The following TRMU variants were observed in gnomAD, a reference collection of about 807,000 sequenced individuals.
TRMU encodes the protein tRNA mitochondrial 2-thiouridylase, also known as mitochondrial tRNA-specific 2-thiouridylase 1.
Under a neutral mutation model 46.9 loss-of-function variants are expected in TRMU, and 49 were observed. The observed-to-expected ratio is 1.05, with a 90% confidence interval of 0.83 to 1.33. The LOEUF is 1.33. TRMU is among the 40% of genes most tolerant of loss of function. TRMU has a pLI of 0.00. For synonymous variants in TRMU, 241 were observed against 200.9 expected (o/e 1.20, Z -1.69); for missense variants, 572 against 532.4 (o/e 1.07, Z -0.73).
intron 8 of TRMU, chr22:46,354,617 C>G (rs998718964): frequency 1.3e-5 from 2 of 152,776 alleles, no homozygotes; most frequent in Non-Finnish European, 2.9e-5. Flanking sequence ...CGGGGGCCAG[C>G]AGGCCCCACC....
intron 2 of TRMU, among the ~76,000 whole-genome samples, chr22:46,341,203 T>G (rs1473905830): frequency 6.6e-6 from 1 of 152,244 alleles, no homozygotes. Flanking sequence ...ATCTGCTGTT[T>G]ACGAAAGGGT....
chr22:46,355,511 CGGAGGA>C lies in TRMU; in HGVS notation c.943_948del (p.Glu315_Glu316del). ...AGGACCAGCCGCGTGCACTGGATTG[CGGAGGA>C]GCCTCCCGCAGCACTGGTCCGGGAC... is the stretch of plus-strand genomic sequence containing the variant. On this transcript the variant is annotated inframe_deletion, in exon 9 of 11. Transcript: ENST00000645190. 1 of 1,613,232 alleles carries C rather than the reference CGGAGGA, an allele frequency of 6.2e-7. No individual in the cohort carries two copies. Among genetic ancestry groups the C allele is most frequent in the African/African-American group, 1.3e-5 (1 of 75,048 alleles).
In TRMU at chr22:46,355,440, G is replaced by T. The variant is rs1230927075; in HGVS notation, c.874-4G>T. The T allele has an allele frequency of 1.2e-6, 2 of 1,612,242 alleles. No individual in the cohort carries two copies. Among genetic ancestry groups the T allele is most frequent in the African/African-American group, 2.7e-5 (2 of 74,908 alleles). ...CGTCCCCACCTTCACATTCCATTCTGCAGGCCCCCCGGACAGACCACCCAG... is the reference window on the plus strand; with the variant it reads ...CGTCCCCACCTTCACATTCCATTCTTCAGGCCCCCCGGACAGACCACCCAG... On this transcript the variant is annotated splice_region_variant and splice_polypyrimidine_tract_variant and intron_variant, in intron 8 of 10. Coordinates refer to ENST00000645190, the MANE Select transcript of TRMU (RefSeq NM_018006.5).
chr22:46,354,305 T>G (rs6007890), intron 8 of TRMU: 4,045 of 222,052 alleles, frequency 0.018, 169 homozygotes, highest in African/African-American at 0.087. Context: ...ACCTTACCAC[T>G]GTGACCCTGG....
chr22:46,336,552 G>C lies in TRMU; in HGVS notation c.82+706G>C, dbSNP rs1473459811. The C allele has an allele frequency of 6.6e-6, 1 of 152,244 alleles. No homozygotes were observed. The highest frequency in any genetic ancestry group is 1.5e-5 in the Non-Finnish European group (1 of 68,126). 9.4% of individuals were successfully genotyped at this position (152,244 alleles called of 1,614,324 possible). On this transcript the variant is annotated intron_variant, in intron 1 of 10. Transcript: ENST00000645190. The surrounding 1 kb of genome is among the most constrained non-coding windows in gnomAD (Gnocchi z 4.1). ...GCGCCATCTTTGGCTCCTGACCTTG[G>C]GCAAGTGAATTAAGCCGTCCCCTGT... is the stretch of plus-strand genomic sequence containing the variant.
intron 9 of TRMU, 182 bp downstream of exon 9, chr22:46,355,770 C>G (rs1054172454): frequency 8.5e-6 from 10 of 1,175,948 alleles, no homozygotes; most frequent in Non-Finnish European, 8.5e-6. Flanking sequence ...CCTGGGGGTG[C>G]TGGGAGCAGA....
Position 46,349,125 on chromosome 22 carries a change from G to A in TRMU, c.479-1166G>A, listed in dbSNP as rs1308806748. ...TGCACTCCAGCCTGGGCGACAGAGC[G>A]AGACTCCATCTCAAAAAAAAAAAAA... On this transcript the variant is annotated intron_variant, in intron 4 of 10. Transcript: ENST00000645190. This position sits in a 1 kb window ranked among gnomAD's most constrained non-coding sequence, Gnocchi z 4.6. Among the ~76,000 whole-genome samples, 4 of 150,490 alleles carry A rather than the reference G, an allele frequency of 2.7e-5. No individual in the cohort carries two copies. The highest frequency in any genetic ancestry group is 9.8e-5 in the African/African-American group (4 of 40,792).
In TRMU at chr22:46,352,036, C is replaced by T. The variant is rs572031983; in HGVS notation, c.652-85C>T. 3.0e-4 allele frequency: 439 copies of T among 1,482,668 alleles called. No homozygotes were observed. The African/African-American group carries it at 5.3e-3, about 18-fold the overall frequency. 91.8% of individuals were successfully genotyped at this position (1,482,668 alleles called of 1,614,324 possible). ...CAAAGTGTGGGGTGAGGCCGGGAGG[C>T]CCCAGGGCCCGCTCAGGACGTCTGG... On this transcript the variant is annotated intron_variant, in intron 5 of 10. Transcript: ENST00000645190.
chr22:46,340,487 A>C (rs1291830402), intron 2 of TRMU, among the ~76,000 whole-genome samples: 1 of 152,226 alleles, frequency 6.6e-6, no homozygotes, highest in Non-Finnish European at 1.5e-5. Flanking sequence ...AGGAAGAGTG[A>C]CTTGAATAGT....
At position 46,348,310 on chromosome 22, in the gene TRMU, C is replaced by T. The variant is rs1308691524; in HGVS notation, c.478+1766C>T. 2.0e-5 allele frequency among the ~76,000 whole-genome samples: 3 copies of T among 152,230 alleles called. No individual in the cohort carries two copies. Among genetic ancestry groups the T allele is most frequent in the African/African-American group, 4.8e-5 (2 of 41,460 alleles). ...ATTATAGGCCACGTGCCCTCGGAAA[C>T]TTGGGACAGTACTGATGCGTTCTGT... On this transcript the variant is annotated intron_variant, in intron 4 of 10. Coordinates refer to ENST00000645190, the MANE Select transcript of TRMU (RefSeq NM_018006.5). The surrounding 1 kb of genome is among the most constrained non-coding windows in gnomAD (Gnocchi z 4.8).
rs147784307 is a variant in TRMU at position 46,344,640 on chromosome 22, G to C, written c.355+1272G>C. Among the ~76,000 whole-genome samples the C allele has an allele frequency of 1.0e-3, 152 of 152,310 alleles. No homozygotes were observed. The Middle Eastern group carries it at 0.017, about 17-fold the overall frequency. ...ACGAAAGCTTTTTAGGGAGCCCCTA[G>C]GTGGCTGGCTGTCAGGCACGCTGTG... On this transcript the variant is annotated intron_variant, in intron 3 of 10. Coordinates refer to ENST00000645190, the MANE Select transcript of TRMU (RefSeq NM_018006.5).
rs2078371296 is a variant in TRMU, at chr22:46,350,143, G to T, written c.479-148G>T. ...ATTTTTCTTACATTAACCCGTGGTG[G>T]TCTTTTCCCTAGTAGTTGCTATTGA... On this transcript the variant is annotated intron_variant, in intron 4 of 10. Transcript: ENST00000645190. The surrounding 1 kb of genome is among the most constrained non-coding windows in gnomAD (Gnocchi z 4.6). 1.2e-6 allele frequency: 1 copy of T among 836,814 alleles called. No individual in the cohort carries two copies. The highest frequency in any genetic ancestry group is 1.9e-6 in the Non-Finnish European group (1 of 535,232). 51.8% of individuals were successfully genotyped at this position (836,814 alleles called of 1,614,324 possible).
At chr22:46,344,141 C>T (rs114953789) in intron 3 of TRMU, among the ~76,000 whole-genome samples, 1 of 152,140 alleles carries the variant, frequency 6.6e-6, no homozygotes, top group South Asian at 2.1e-4. Context: ...AGTAATTCTC[C>T]TAGGACAAGA....
At chr22:46,346,292 AG>A in intron 3 of TRMU, 129 bp from the exon 4 acceptor site, 1 of 1,099,340 alleles carries the variant, frequency 9.1e-7, no homozygotes, top group Admixed American at 2.8e-5. Context: ...GTTTGGGTGC[AG>A]GGTGGATTGT....
At chr22:46,343,496 C>A in intron 3 of TRMU, 128 bp downstream of exon 3, 1 of 723,782 alleles carries the variant, frequency 1.4e-6, no homozygotes, top group Non-Finnish European at 2.4e-6. Flanking sequence ...AGAGATTCTC[C>A]CACCCCAGGC....
At chr22:46,340,488 C>A (rs1397529258) in intron 2 of TRMU, among the ~76,000 whole-genome samples, 2 of 152,100 alleles carry the variant, frequency 1.3e-5, no homozygotes, top group Non-Finnish European at 1.5e-5. Flanking sequence ...GGAAGAGTGA[C>A]TTGAATAGTA....
Position 46,338,032 on chromosome 22 carries a change from T to A in TRMU, c.248+88T>A, listed in dbSNP as rs112975804. ...TCCGGTAACCAGCCAGACCGACGCC[T>A]GTGCTGCAGCCCAGCGCTCTCCCTC... On this transcript the variant is annotated intron_variant, in intron 2 of 10. Coordinates refer to ENST00000645190, the MANE Select transcript of TRMU (RefSeq NM_018006.5). This position sits in a 1 kb window ranked among gnomAD's most constrained non-coding sequence, Gnocchi z 4.5. 1.3e-6 allele frequency: 2 copies of A among 1,568,126 alleles called. No individual in the cohort carries two copies. Among genetic ancestry groups the A allele is most frequent in the Admixed American group, 3.3e-5 (2 of 59,902 alleles).
In TRMU at chr22:46,355,512, G is replaced by A. The variant is rs767891094; in HGVS notation, c.942G>A (p.Ala314=). The change falls in exon 9 of 11, where the codon GCG becomes GCA. Residue 314 remains alanine, a synonymous_variant. Coordinates refer to ENST00000645190, the MANE Select transcript of TRMU (RefSeq NM_018006.5). ...LLRTSRVHWI[A]EEPPAALVRD... ...GGACCAGCCGCGTGCACTGGATTGC[G>A]GAGGAGCCTCCCGCAGCACTGGTCC... 24 of 1,613,124 alleles carry A rather than the reference G, an allele frequency of 1.5e-5. No homozygotes were observed. Among genetic ancestry groups the A allele is most frequent in the Non-Finnish European group, 1.9e-5 (22 of 1,180,032 alleles).
At chr22:46,355,755 C>A in intron 9 of TRMU, 167 bp downstream of exon 9, 3 of 1,273,608 alleles carry the variant, frequency 2.4e-6, no homozygotes, top group Non-Finnish European at 3.3e-6. Flanking sequence ...CTGCCCTGAG[C>A]GAGGCCTGGG....
Sources: gnomAD v4.1 joint callset for allele counts (sites outside exome capture counted in the v4.1 genomes callset) on GRCh38, gnomAD v4.1.1 for gene constraint, Gnocchi (gnomAD v3.1) non-coding constraint, MANE v1.5 for transcripts, NCBI Gene and HGNC (gene_info 2026-07-23, HGNC 2026-07-21) for gene names.